EPS8: variants seen among roughly 807,000 people sequenced by gnomAD.
EPS8 encodes the protein EGFR pathway substrate 8, signaling adaptor, also known as epidermal growth factor receptor kinase substrate 8.
A neutral mutation model predicts 103.8 loss-of-function variants in EPS8; 42 were observed. That is an observed-to-expected ratio of 0.40 (90% CI 0.32 to 0.52). EPS8 has a LOEUF of 0.52. Ranked by LOEUF, EPS8 falls within the 20% of genes least tolerant of loss-of-function variation. The pLI is 0.40. For missense variants in EPS8, 969 were observed against 1,005.1 expected (o/e 0.96, Z 0.49); for synonymous variants, 344 against 344.6 (o/e 1.00, Z 0.02).
rs1946500533 is a variant in EPS8 at position 15,714,036 on chromosome 12, G to A, written c.-21-31064C>T. On this transcript the variant is annotated intron_variant, in intron 1 of 20. Coordinates refer to ENST00000281172, the MANE Select transcript of EPS8 (RefSeq NM_004447.6). The surrounding 1 kb of genome is among the most constrained non-coding windows in gnomAD (Gnocchi z 4.1). ...AAACACAAAACTATTTTAAAGTGAT[G>A]AGAGGTAAACAAGGCCCCACGGGAT... 6.6e-6 allele frequency among the ~76,000 whole-genome samples: 1 copy of A among 152,096 alleles called. No individual in the cohort carries two copies. The highest frequency in any genetic ancestry group is 1.5e-5 in the Non-Finnish European group (1 of 68,012).
chr12:15,691,583 AGCCAGAAGGCAAAAGAG>A (rs1255373589), intron 1 of EPS8, among the ~76,000 whole-genome samples: 1 of 152,144 alleles, frequency 6.6e-6, no homozygotes, highest in African/African-American at 2.4e-5. Context: ...GAGCTGAGTA[AGCCAGAAGGCAAAAGAG>A]AAGAGCAAAG....
intron 1 of EPS8, among the ~76,000 whole-genome samples, chr12:15,718,652 G>A (rs923401384): frequency 7.9e-5 from 12 of 152,134 alleles, no homozygotes; most frequent in Admixed American, 3.3e-4. Flanking sequence ...CTTGATGAGT[G>A]CATATCAAGA....
At chr12:15,622,502 T>C (rs1415806502) in intron 20 of EPS8, among the ~76,000 whole-genome samples, 2 of 152,198 alleles carry the variant, frequency 1.3e-5, no homozygotes, top group African/African-American at 4.8e-5. Context: ...ATAATTTTCA[T>C]GAAACTATTA....
intron 6 of EPS8, among the ~76,000 whole-genome samples, chr12:15,667,682 T>TA (rs1385087530): frequency 6.6e-6 from 1 of 152,120 alleles, no homozygotes; most frequent in Non-Finnish European, 1.5e-5. Context: ...AAAGAAACTT[T>TA]AAAAATCAAA....
chr12:15,726,181 A>C (rs1172083438), intron 1 of EPS8, among the ~76,000 whole-genome samples: 1 of 152,188 alleles, frequency 6.6e-6, no homozygotes, highest in African/African-American at 2.4e-5. Flanking sequence ...AAGAGCTGAC[A>C]AAGCAAGAAG....
chr12:15,765,216 T>C (rs1327040648), intron 1 of EPS8, among the ~76,000 whole-genome samples: 2 of 152,154 alleles, frequency 1.3e-5, no homozygotes, highest in Non-Finnish European at 2.9e-5. Flanking sequence ...TGAAACAAAA[T>C]AAGCCTTTAT....
rs1019064529 is a variant in EPS8 at position 15,777,281 on chromosome 12, A to G, written c.-22+11880T>C. Reference sequence around the variant, plus strand: ...CTTACAAAGCAGAATGAAAAAAAACACACACACACACACAAAACAAAACAA... The same window carrying G: ...CTTACAAAGCAGAATGAAAAAAAACGCACACACACACACAAAACAAAACAA... On this transcript the variant is annotated intron_variant, in intron 1 of 20. Transcript: ENST00000281172. The surrounding 1 kb of genome is among the most constrained non-coding windows in gnomAD (Gnocchi z 4.7). Among the ~76,000 whole-genome samples, 1 of 151,508 alleles carries G rather than the reference A, an allele frequency of 6.6e-6. No individual in the cohort carries two copies. Among genetic ancestry groups the G allele is most frequent in the Non-Finnish European group, 1.5e-5 (1 of 67,956 alleles).
At position 15,622,297 on chromosome 12, in the gene EPS8, C is replaced by T. The variant is rs74065605; in HGVS notation, c.2355+861G>A. ...ATCAAATCAAACTTTAATATGGAGC[C>T]TTCAAGATCAATGTTGTAGGGAAAA... On this transcript the variant is annotated intron_variant, in intron 20 of 20. Coordinates refer to ENST00000281172, the MANE Select transcript of EPS8 (RefSeq NM_004447.6). Among the ~76,000 whole-genome samples, 1,176 of 152,188 alleles carry T rather than the reference C, an allele frequency of 7.7e-3. 14 individuals are homozygous for T. Among genetic ancestry groups the T allele is most frequent in the African/African-American group, 0.027 (1,118 of 41,514 alleles).
rs79504275 is a variant in EPS8 at position 15,631,907 on chromosome 12, G to A, written c.1822-243C>T. The stretch of plus-strand genomic sequence containing the variant: ...CACAAGGCTACGTCAATAGCAAATA[G>A]TAGTATTATAGTAATAAATGTCAAG... On this transcript the variant is annotated intron_variant, in intron 17 of 20. Coordinates refer to ENST00000281172, the MANE Select transcript of EPS8 (RefSeq NM_004447.6). 731 of 368,490 alleles carry A rather than the reference G, an allele frequency of 2.0e-3. 8 individuals carry two copies. The East Asian group carries it at 0.032, about 16-fold the overall frequency. 22.8% of individuals were successfully genotyped at this position (368,490 alleles called of 1,614,324 possible). A position where few individuals can be genotyped will look rare whatever the true frequency, so the allele number is the denominator to read the frequency against.
At chr12:15,625,268 A>T (rs1261151767) in intron 18 of EPS8, among the ~76,000 whole-genome samples, 1 of 152,180 alleles carries the variant, frequency 6.6e-6, no homozygotes, top group Non-Finnish European at 1.5e-5. Flanking sequence ...TGTATGCACT[A>T]GGCCTCAAGT....
Position 15,764,659 on chromosome 12 carries a change from A to G in EPS8, c.-22+24502T>C, listed in dbSNP as rs1003322891. Among the ~76,000 whole-genome samples, 5 of 152,322 alleles carry G rather than the reference A, an allele frequency of 3.3e-5. No homozygotes were observed. Among genetic ancestry groups the G allele is most frequent in the East Asian group, 1.9e-4 (1 of 5,190 alleles). ...TGAAGCCAGAAATTATACTTTATCA[A>G]TTTAACTCTTTTCAGTCAATAACTA... On this transcript the variant is annotated intron_variant, in intron 1 of 20. Transcript: ENST00000281172. This position sits in a 1 kb window ranked among gnomAD's most constrained non-coding sequence, Gnocchi z 4.1.
chr12:15,712,843 A>G, intron 1 of EPS8: 1 of 984,596 alleles, frequency 1.0e-6, no homozygotes, highest in Non-Finnish European at 1.2e-6. Flanking sequence ...ACAAATTCAA[A>G]CTTACCTACC....
At chr12:15,657,226 G>A (rs771848434) in intron 12 of EPS8, among the ~76,000 whole-genome samples, 9 of 152,044 alleles carry the variant, frequency 5.9e-5, no homozygotes, top group East Asian at 1.9e-4. Context: ...ACATTTATAC[G>A]TTAACTATTC....
chr12:15,622,640 C>T (rs1944878091), intron 20 of EPS8, among the ~76,000 whole-genome samples: 1 of 152,034 alleles, frequency 6.6e-6, no homozygotes, highest in African/African-American at 2.4e-5. Flanking sequence ...TCATACAGAC[C>T]ATTGTGATTA....
At chr12:15,646,460 C>T (rs1261124408) in intron 15 of EPS8, among the ~76,000 whole-genome samples, 1 of 152,062 alleles carries the variant, frequency 6.6e-6, no homozygotes, top group Non-Finnish European at 1.5e-5. Flanking sequence ...CTCTTTTCTA[C>T]ATGGCTTGGC....
intron 15 of EPS8, among the ~76,000 whole-genome samples, chr12:15,645,569 A>G (rs528556741): frequency 6.6e-6 from 1 of 152,204 alleles, no homozygotes; most frequent in Non-Finnish European, 1.5e-5. Flanking sequence ...AATGAAAGGT[A>G]TACTGCCCTG....
intron 1 of EPS8, among the ~76,000 whole-genome samples, chr12:15,730,628 C>T (rs1442776621): frequency 1.3e-5 from 2 of 152,172 alleles, no homozygotes; most frequent in Non-Finnish European, 2.9e-5. Context: ...GGGCAGGGGC[C>T]TTCTCTTTAC....
At chr12:15,634,092 G>A (rs1351682041) in intron 17 of EPS8, among the ~76,000 whole-genome samples, 1 of 152,148 alleles carries the variant, frequency 6.6e-6, no homozygotes, top group East Asian at 1.9e-4. Context: ...CTGAACCAAC[G>A]TACTGAAGCT....
At chr12:15,722,427 C>G (rs1946607272) in intron 1 of EPS8, among the ~76,000 whole-genome samples, 2 of 152,090 alleles carry the variant, frequency 1.3e-5, no homozygotes, top group Non-Finnish European at 2.9e-5. Flanking sequence ...AGACAATCTG[C>G]AACTGCCATC....
Sources: gnomAD v4.1 joint callset for allele counts (sites outside exome capture counted in the v4.1 genomes callset) on GRCh38, gnomAD v4.1.1 for gene constraint, Gnocchi (gnomAD v3.1) non-coding constraint, MANE v1.5 for transcripts, NCBI Gene and HGNC (gene_info 2026-07-23, HGNC 2026-07-21) for gene names.